Variants in NLRC5 observed in about 807,000 individuals in gnomAD.
The protein encoded by NLRC5 is protein NLRC5.
A neutral mutation model predicts 206.9 loss-of-function variants in NLRC5; 114 were observed. That is an observed-to-expected ratio of 0.55 (90% CI 0.47 to 0.64). The LOEUF (loss-of-function observed/expected upper bound fraction) is 0.64, where lower values mean the gene tolerates loss of function less well. Ranked by LOEUF, NLRC5 falls within the 30% of genes least tolerant of loss-of-function variation. The pLI, the probability that NLRC5 is intolerant of heterozygous loss-of-function variation, is 0.00. For synonymous variants in NLRC5, 952 were observed against 962.8 expected, an observed-to-expected ratio of 0.99 and a Z score of 0.21; for missense variants, 2,008 against 2,305.5, an observed-to-expected ratio of 0.87 and a Z score of 2.64.
At chr16:57,004,830 G>A (rs968409168) in intron 1 of NLRC5, among the ~76,000 whole-genome samples, 3 of 152,184 alleles carry the variant, frequency 2.0e-5, no homozygotes, top group African/African-American at 4.8e-5. Context: ...GGAGGGAGGC[G>A]TCTGCTGGGA....
chr16:57,049,130 A>C (rs192616806), intron 23 of NLRC5, among the ~76,000 whole-genome samples: 4 of 152,300 alleles, frequency 2.6e-5, no homozygotes, highest in Admixed American at 2.6e-4. Flanking sequence ...CAAAACTCCA[A>C]AGAAAAATCT....
chr16:57,026,213 G>A lies in NLRC5; in HGVS notation c.1270G>A (p.Ala424Thr), dbSNP rs778427595. 1.0e-4 allele frequency: 163 copies of A among 1,613,448 alleles called. No individual in the cohort carries two copies. Among genetic ancestry groups the A allele is most frequent in the Non-Finnish European group, 1.3e-4 (148 of 1,180,028 alleles). ...CCTCCACCATCTGCTTCCTGACCAC[G>A]CCCCAGGCCAGTCTGTGGCCCTCCT... is the stretch of plus-strand genomic sequence containing the variant. The part of the protein sequence containing the change: ...LCLHHLLPDH[A>T]PGQSVALLPN... Residue 424 changes from alanine to threonine, a missense_variant, in exon 6 of 49, where the codon GCC (alanine) becomes ACC (threonine). Physicochemically the swap from Ala to Thr is moderately conservative, Grantham distance 58. Transcript: ENST00000688547.
intron 1 of NLRC5, chr16:57,003,944 G>A (rs1567510042): frequency 6.6e-6 from 1 of 152,184 alleles, no homozygotes; most frequent in Admixed American, 6.5e-5. Flanking sequence ...CCAGGGCCCT[G>A]GTACGGAGGC....
intron 13 of NLRC5, among the ~76,000 whole-genome samples, chr16:57,035,358 C>G (rs535039764): frequency 6.6e-6 from 1 of 152,248 alleles, no homozygotes; most frequent in South Asian, 2.1e-4. Flanking sequence ...TCACTTTTCA[C>G]TGATGCCTGC....
chr16:57,050,345 T>C (rs2064707180), intron 23 of NLRC5, among the ~76,000 whole-genome samples: 1 of 150,956 alleles, frequency 6.6e-6, no homozygotes, highest in Non-Finnish European at 1.5e-5. Context: ...CCTCCCGCCC[T>C]ACCCTGCCCC....
intron 32 of NLRC5, among the ~76,000 whole-genome samples, chr16:57,063,489 A>G (rs1468339687): frequency 6.6e-6 from 1 of 152,144 alleles, no homozygotes; most frequent in Non-Finnish European, 1.5e-5. Flanking sequence ...TTATCCATCA[A>G]TTGACACTTG....
At chr16:57,079,497 C>A (rs1349932017) in intron 45 of NLRC5, 49 bp from the exon 46 acceptor site, 3 of 1,544,938 alleles carry the variant, frequency 1.9e-6, no homozygotes, top group African/African-American at 1.4e-5. Flanking sequence ...TGCTAGATCC[C>A]CTGACTCAAA....
Position 57,065,133 on chromosome 16 carries a change from C to G in NLRC5, c.4155-79C>G, listed in dbSNP as rs1253196831. On this transcript the variant is annotated intron_variant, in intron 32 of 48. Transcript: ENST00000688547. ...CCTCTAGGTCCCCCCCTTGACACTC[C>G]TCCCCCGGCCCCGTCATGTGTGCTG... is the stretch of plus-strand genomic sequence containing the variant. 3 of 963,790 alleles carry G rather than the reference C, an allele frequency of 3.1e-6. No individual in the cohort carries two copies. The Admixed American group carries it at 1.1e-4, about 35-fold the overall frequency. The allele number at this position is 963,790 out of a possible 1,614,324, so 59.7% of individuals were successfully genotyped here.
At chr16:57,050,106 T>TAA (rs368833472) in intron 23 of NLRC5, among the ~76,000 whole-genome samples, 17,386 of 144,210 alleles carry the variant, frequency 0.12, 1,271 homozygotes, top group African/African-American at 0.21. Flanking sequence ...TCCATTGCTT[T>TAA]AAAAAAAAAA....
In NLRC5 at chr16:57,055,373, G is replaced by A. The variant is rs562125135; in HGVS notation, c.3660-60G>A. On this transcript the variant is annotated intron_variant, in intron 26 of 48. Transcript: ENST00000688547. ...GGCTGTGCCCTGGGCTAGCCAGGCCGGAGGGGGTCTCAGTGGCCAAACGCC... is the reference window on the plus strand; with the variant it reads ...GGCTGTGCCCTGGGCTAGCCAGGCCAGAGGGGGTCTCAGTGGCCAAACGCC... The A allele has an allele frequency of 4.2e-5, 64 of 1,512,462 alleles. 1 individual carries two copies. The Admixed American group carries it at 4.8e-4, about 11-fold the overall frequency. The allele number at this position is 1,512,462 out of a possible 1,614,324, so 93.7% of individuals were successfully genotyped here.
Position 57,026,087 on chromosome 16 carries a change from G to C in NLRC5, c.1144G>C (p.Ala382Pro), listed in dbSNP as rs200058658. The part of the protein sequence containing the change: ...VEEYVNHFFS[A>P]QPSREGALVE... ...AGAATATGTGAATCACTTCTTCAGC[G>C]CCCAGCCATCGCGGGAGGGGGCCCT... is the stretch of plus-strand genomic sequence containing the variant. Residue 382 changes from alanine to proline, a missense_variant, in exon 6 of 49, where the codon GCC becomes CCC. Coordinates refer to ENST00000688547, the MANE Select transcript of NLRC5 (RefSeq NM_001384950.1). 6.2e-7 allele frequency: 1 copy of C among 1,613,952 alleles called. No individual in the cohort carries two copies. Among genetic ancestry groups the C allele is most frequent in the Non-Finnish European group, 8.5e-7 (1 of 1,180,042 alleles).
chr16:56,993,585 A>C (rs1238511409), intron 1 of NLRC5, among the ~76,000 whole-genome samples: 1 of 152,204 alleles, frequency 6.6e-6, no homozygotes, highest in African/African-American at 2.4e-5. Context: ...TGCTCCCACC[A>C]GCTGGAGGGG....
rs528823659 is a variant in NLRC5, at chr16:57,061,549, C to A, written c.4070+18C>A. On this transcript the variant is annotated intron_variant, in intron 31 of 48. Transcript: ENST00000688547. ...GAGCTCACGTGAGTGACCCACCCAGCCCGTGAGGACAGCAGAGGGGTGGGG... is the reference window on the plus strand; with the variant it reads ...GAGCTCACGTGAGTGACCCACCCAGACCGTGAGGACAGCAGAGGGGTGGGG... 83 of 1,609,258 alleles carry A rather than the reference C, an allele frequency of 5.2e-5. 3 individuals are homozygous for A. In the South Asian group the frequency reaches 9.0e-4, roughly 17 times the overall value.
intron 11 of NLRC5, among the ~76,000 whole-genome samples, chr16:57,032,775 C>T (rs1455950360): frequency 1.3e-5 from 2 of 148,936 alleles, no homozygotes; most frequent in Admixed American, 6.8e-5. Flanking sequence ...GGGGCAGGAT[C>T]GCTTGAAGCT....
Position 57,043,534 on chromosome 16 carries a change from TCCC to T in NLRC5, c.3134_3136del (p.Ser1045del). 6.2e-7 allele frequency: 1 copy of T among 1,614,134 alleles called. No individual in the cohort carries two copies. The highest frequency in any genetic ancestry group is 1.1e-5 in the South Asian group (1 of 91,080). On this transcript the variant is annotated inframe_deletion, in exon 20 of 49. Coordinates refer to ENST00000688547, the MANE Select transcript of NLRC5 (RefSeq NM_001384950.1). ...CTCCAGCCTCAGTGAGAACGGTTTG[TCCC>T]TGGATGCCGTGTTGGGTTTGGTTCG...
intron 1 of NLRC5, chr16:56,992,331 T>G (rs955602747): frequency 3.3e-5 from 5 of 152,218 alleles, no homozygotes; most frequent in Non-Finnish European, 7.3e-5. Context: ...CCAGCATCTC[T>G]GCTCTGTTTT....
At chr16:57,022,890 C>T (rs1313029272) in intron 4 of NLRC5, among the ~76,000 whole-genome samples, 1 of 152,248 alleles carries the variant, frequency 6.6e-6, no homozygotes, top group Non-Finnish European at 1.5e-5. Flanking sequence ...GAAAACCCAC[C>T]CTATAACCTC....
chr16:57,000,299 G>A (rs558886455), intron 1 of NLRC5, among the ~76,000 whole-genome samples: 36 of 152,278 alleles, frequency 2.4e-4, no homozygotes, highest in Non-Finnish European at 2.9e-4. Context: ...GGGTGCATCT[G>A]GAAAGCTTGG....
intron 21 of NLRC5, among the ~76,000 whole-genome samples, chr16:57,046,091 G>C (rs115062150): frequency 0.012 from 1,802 of 152,328 alleles, 22 homozygotes; most frequent in South Asian, 0.047. Flanking sequence ...AGGCACTGCC[G>C]TACAGATGGG....
Sources: allele counts gnomAD v4.1 joint callset (sites outside exome capture counted in the v4.1 genomes callset), GRCh38; gene constraint gnomAD v4.1.1; transcripts MANE v1.5; gene names NCBI Gene and HGNC (gene_info 2026-07-23, HGNC 2026-07-21).